Variants in MED27 observed in about 807,000 individuals in gnomAD.
The protein encoded by MED27 is mediator of RNA polymerase II transcription subunit 27.
In MED27, 30 loss-of-function variants were observed where a neutral mutation model predicts 38.2. The observed-to-expected ratio is 0.79, with a 90% CI of 0.59 to 1.07. The LOEUF is 1.07. Ranked by LOEUF, MED27 falls within the 50% of genes least tolerant of loss-of-function variation. MED27 has a pLI of 0.00. For synonymous variants in MED27, 122 were observed against 153.5 expected, an observed-to-expected ratio of 0.79 and a Z score of 1.52; for missense variants, 289 against 397.5, an observed-to-expected ratio of 0.73 and a Z score of 2.32.
chr9:131,964,860 A>C (rs1261927163), intron 3 of MED27, among the ~76,000 whole-genome samples: 1 of 152,238 alleles, frequency 6.6e-6, no homozygotes, highest in Non-Finnish European at 1.5e-5. Flanking sequence ...TCAACGCTAC[A>C]TCTAAAATCC....
chr9:132,042,962 T>C (rs910172334), intron 2 of MED27, among the ~76,000 whole-genome samples: 1 of 152,184 alleles, frequency 6.6e-6, no homozygotes, highest in Non-Finnish European at 1.5e-5. Flanking sequence ...AGATATCCCA[T>C]AGACCATAGG....
intron 3 of MED27, among the ~76,000 whole-genome samples, chr9:131,984,883 T>G (rs936590152): frequency 6.6e-6 from 1 of 152,190 alleles, no homozygotes; most frequent in African/African-American, 2.4e-5. Context: ...TTGCAGCCAT[T>G]TATACCATAT....
intron 3 of MED27, among the ~76,000 whole-genome samples, chr9:131,955,629 A>AAC (rs1420654517): frequency 6.6e-6 from 1 of 152,238 alleles, no homozygotes; most frequent in African/African-American, 2.4e-5. Flanking sequence ...AATCTCTTCG[A>AAC]CAGCTAGACG....
chr9:132,058,297 T>C (rs1271458043), intron 2 of MED27, among the ~76,000 whole-genome samples: 3 of 152,186 alleles, frequency 2.0e-5, no homozygotes, highest in African/African-American at 7.2e-5. Flanking sequence ...GCTGTGTCCC[T>C]ACCCAAATAT....
intron 3 of MED27, among the ~76,000 whole-genome samples, chr9:131,975,257 T>C (rs1831579357): frequency 6.6e-6 from 1 of 152,234 alleles, no homozygotes; most frequent in African/African-American, 2.4e-5. Context: ...GTACCTCCAC[T>C]ATGAGAAGTT....
chr9:131,886,366 G>C (rs987325526), intron 5 of MED27, among the ~76,000 whole-genome samples: 8 of 152,178 alleles, frequency 5.3e-5, no homozygotes, highest in African/African-American at 1.9e-4. Flanking sequence ...ACAAATCATG[G>C]AGGAGCTTTC....
At chr9:132,056,875 G>A (rs1309481601) in intron 2 of MED27, among the ~76,000 whole-genome samples, 2 of 152,144 alleles carry the variant, frequency 1.3e-5, no homozygotes, top group Non-Finnish European at 2.9e-5. Flanking sequence ...TTCTTCATTC[G>A]GCTCATATGG....
intron 3 of MED27, among the ~76,000 whole-genome samples, chr9:131,949,254 C>G (rs554004239): frequency 6.6e-6 from 1 of 152,296 alleles, no homozygotes; most frequent in Non-Finnish European, 1.5e-5. Context: ...TGGCAGCTGG[C>G]TCACAGGCCT....
chr9:131,943,449 C>A (rs1361799371), intron 3 of MED27, among the ~76,000 whole-genome samples: 1 of 152,160 alleles, frequency 6.6e-6, no homozygotes, highest in African/African-American at 2.4e-5. Flanking sequence ...ACGGTGAGCA[C>A]GGCTAGCGTC....
chr9:131,968,070 T>C (rs1473058952), intron 3 of MED27, among the ~76,000 whole-genome samples: 3 of 152,050 alleles, frequency 2.0e-5, no homozygotes, highest in Non-Finnish European at 4.4e-5. Context: ...TCCGCTCGCT[T>C]TGGCCTCCCA....
At chr9:132,063,683 G>A (rs186900003) in intron 2 of MED27, among the ~76,000 whole-genome samples, 1 of 152,278 alleles carries the variant, frequency 6.6e-6, no homozygotes, top group Admixed American at 6.5e-5. Context: ...ATTTGGAGCT[G>A]GCATGGATGC....
chr9:132,020,454 G>A (rs1340928605), intron 2 of MED27, among the ~76,000 whole-genome samples: 1 of 152,186 alleles, frequency 6.6e-6, no homozygotes, highest in Non-Finnish European at 1.5e-5. Flanking sequence ...TGGGATGTGT[G>A]TTGCGACACT....
chr9:132,038,807 A>G (rs935247423), intron 2 of MED27, among the ~76,000 whole-genome samples: 3 of 152,258 alleles, frequency 2.0e-5, no homozygotes, highest in African/African-American at 7.2e-5. Context: ...GAGACAGGGA[A>G]GAAGGAAGGA....
intron 4 of MED27, among the ~76,000 whole-genome samples, chr9:131,899,961 C>T (rs534894532): frequency 6.6e-6 from 1 of 152,238 alleles, no homozygotes; most frequent in African/African-American, 2.4e-5. Flanking sequence ...GGCTACAGGT[C>T]GGCTCTTGGC....
At chr9:132,005,756 T>TC (rs1832343969) in intron 3 of MED27, among the ~76,000 whole-genome samples, 1 of 152,154 alleles carries the variant, frequency 6.6e-6, no homozygotes. Flanking sequence ...AAGAGTGGTA[T>TC]CCCTCACCAT....
intron 3 of MED27, among the ~76,000 whole-genome samples, chr9:131,990,685 A>T (rs1831953665): frequency 2.0e-5 from 3 of 152,260 alleles, no homozygotes; most frequent in Admixed American, 6.5e-5. Flanking sequence ...CCTTGACTCC[A>T]TGCTCCACAT....
chr9:131,899,932 C>CAA (rs960095869), intron 4 of MED27, among the ~76,000 whole-genome samples: 2 of 152,150 alleles, frequency 1.3e-5, no homozygotes, highest in African/African-American at 4.8e-5. Context: ...CAGTCAGAAG[C>CAA]AAAACGCCCA....
chr9:131,891,962 T>C (rs924691636), intron 5 of MED27, among the ~76,000 whole-genome samples: 3 of 151,798 alleles, frequency 2.0e-5, no homozygotes, highest in Non-Finnish European at 2.9e-5. Context: ...TTTAACCAAT[T>C]AGGTGGGGGT....
At position 131,913,786 on chromosome 9, in the gene MED27, G is replaced by A. The variant is rs1484599391; in HGVS notation, c.574-19794C>T. On this transcript the variant is annotated intron_variant, in intron 4 of 7. Transcript: ENST00000292035. The surrounding 1 kb of genome is among the most constrained non-coding windows in gnomAD (Gnocchi z 4.5). ...CCCGCTTTACCCCATCAATTCTGGG[G>A]CGAAACTGACACTTCTAACAAGCAC... Among the ~76,000 whole-genome samples the A allele has an allele frequency of 6.6e-6, 1 of 152,152 alleles. No homozygotes were observed. Among genetic ancestry groups the A allele is most frequent in the Non-Finnish European group, 1.5e-5 (1 of 68,032 alleles).
Sources: allele counts gnomAD v4.1 joint callset (sites outside exome capture counted in the v4.1 genomes callset), GRCh38; gene constraint gnomAD v4.1.1; non-coding constraint Gnocchi (gnomAD v3.1); transcripts MANE v1.5; gene names NCBI Gene and HGNC (gene_info 2026-07-23, HGNC 2026-07-21).